The following GPC6 variants were observed in gnomAD, a reference collection of about 807,000 sequenced individuals.
GPC6 encodes glypican-6.
A neutral mutation model predicts 55.2 loss-of-function variants in GPC6; 14 were observed. That is an observed-to-expected ratio of 0.25 (90% CI 0.17 to 0.40). GPC6 has a LOEUF of 0.40. GPC6 is among the 10% of genes least tolerant of loss of function. The probability of loss-of-function intolerance (pLI) is 1.00; values close to 1 mark genes in which losing one functional copy is unlikely to be tolerated. For synonymous variants in GPC6, 278 were observed against 259.6 expected, an observed-to-expected ratio of 1.07 and a Z score of -0.68; for missense variants, 641 against 708.5, an observed-to-expected ratio of 0.90 and a Z score of 1.08.
chr13:93,436,235 T>A (rs567786904), intron 1 of GPC6, among the ~76,000 whole-genome samples: 1 of 152,218 alleles, frequency 6.6e-6, no homozygotes, highest in South Asian at 2.1e-4. Context: ...GGAAAAAATG[T>A]CATTGTAAAT....
intron 4 of GPC6, among the ~76,000 whole-genome samples, chr13:94,152,430 T>A (rs1887773772): frequency 6.6e-6 from 1 of 152,120 alleles, no homozygotes; most frequent in African/African-American, 2.4e-5. Context: ...AGTCACTCAT[T>A]TATTCATCAA....
intron 4 of GPC6, among the ~76,000 whole-genome samples, chr13:94,167,400 A>G (rs1027535941): frequency 1.3e-5 from 2 of 152,188 alleles, no homozygotes; most frequent in African/African-American, 4.8e-5. Context: ...ATGGACGAGA[A>G]GATTCTTCAA....
Position 94,374,686 on chromosome 13 carries a change from G to C in GPC6, c.1153-7728G>C, listed in dbSNP as rs1291675589. Among the ~76,000 whole-genome samples the C allele has an allele frequency of 4.4e-3, 673 of 151,254 alleles. 18 individuals carry two copies. The highest frequency in any genetic ancestry group is 0.033 in the Admixed American group (505 of 15,206). On this transcript the variant is annotated intron_variant, in intron 6 of 8. Coordinates refer to ENST00000377047, the MANE Select transcript of GPC6 (RefSeq NM_005708.5). ...AAGTCAACAAGGAAACCCAGGAATT[G>C]AACTCAGCTCTGCACCAAGCGGACC...
intron 4 of GPC6, among the ~76,000 whole-genome samples, chr13:94,217,518 C>A (rs1210925650): frequency 2.6e-5 from 4 of 152,090 alleles, no homozygotes; most frequent in Non-Finnish European, 5.9e-5. Flanking sequence ...TGACAGCATC[C>A]CATTCATCTA....
chr13:94,181,592 G>C (rs1017876783), intron 4 of GPC6, among the ~76,000 whole-genome samples: 1 of 152,108 alleles, frequency 6.6e-6, no homozygotes, highest in African/African-American at 2.4e-5. Context: ...ACTTTATTAA[G>C]GTCCTGTAGA....
chr13:93,523,253 A>T (rs1881504194), intron 1 of GPC6, among the ~76,000 whole-genome samples: 1 of 150,592 alleles, frequency 6.6e-6, no homozygotes, highest in Admixed American at 6.6e-5. Flanking sequence ...ATATACACAT[A>T]TATGGATAAT....
intron 3 of GPC6, among the ~76,000 whole-genome samples, chr13:93,903,951 T>C (rs925934259): frequency 2.0e-5 from 3 of 152,044 alleles, no homozygotes; most frequent in Admixed American, 1.3e-4. Flanking sequence ...AAGAAGAACA[T>C]GTCCTGTCCT....
At chr13:93,523,458 C>T (rs1321316939) in intron 1 of GPC6, among the ~76,000 whole-genome samples, 1 of 31,942 alleles carries the variant, frequency 3.1e-5, no homozygotes, top group Non-Finnish European at 8.2e-5. Context: ...CACACATACA[C>T]ACATATGACA....
chr13:94,357,341 A>G (rs1005946402), intron 6 of GPC6, among the ~76,000 whole-genome samples: 1 of 152,072 alleles, frequency 6.6e-6, no homozygotes, highest in African/African-American at 2.4e-5. Flanking sequence ...CTCACTCTTC[A>G]AGATCAGCTC....
intron 2 of GPC6, among the ~76,000 whole-genome samples, chr13:93,553,215 C>T (rs1368191079): frequency 1.3e-5 from 2 of 151,770 alleles, no homozygotes; most frequent in Non-Finnish European, 2.9e-5. Flanking sequence ...ATTATTCTTT[C>T]TTCTTCCACT....
chr13:93,395,186 T>C, intron 1 of GPC6: 1 of 292,400 alleles, frequency 3.4e-6, no homozygotes, highest in East Asian at 7.7e-5. Context: ...ACCATCAAAG[T>C]CACTGCAACT....
intron 2 of GPC6, among the ~76,000 whole-genome samples, chr13:93,726,115 C>CACACACAT (rs1309780872): frequency 3.7e-5 from 5 of 136,982 alleles, no homozygotes; most frequent in Non-Finnish European, 6.3e-5. Flanking sequence ...CACACACACA[C>CACACACAT]ACACACACAC....
chr13:93,416,539 A>G (rs1427016560), intron 1 of GPC6, among the ~76,000 whole-genome samples: 1 of 152,166 alleles, frequency 6.6e-6, no homozygotes, highest in Non-Finnish European at 1.5e-5. Flanking sequence ...CATTTGTGTT[A>G]GCAATAATCC....
chr13:94,404,707 A>G lies in GPC6; in HGVS notation c.*1490A>G, dbSNP rs1730603840. On this transcript the variant is annotated 3_prime_UTR_variant, in exon 9 of 9. Transcript: ENST00000377047. ...GGAAACTGTATGTGTAAAGAATGTTATTCATGAAAAACCATTGCTTTCATG... is the reference window on the plus strand; with the variant it reads ...GGAAACTGTATGTGTAAAGAATGTTGTTCATGAAAAACCATTGCTTTCATG... 1 of 152,216 alleles carries G rather than the reference A, an allele frequency of 6.6e-6. No homozygotes were observed. Among genetic ancestry groups the G allele is most frequent in the Non-Finnish European group, 1.5e-5 (1 of 68,036 alleles). The allele number at this position is 152,216 out of a possible 1,614,324, so 9.4% of individuals were successfully genotyped here.
At chr13:93,372,694 T>C (rs1228902899) in intron 1 of GPC6, among the ~76,000 whole-genome samples, 2 of 152,202 alleles carry the variant, frequency 1.3e-5, no homozygotes, top group Non-Finnish European at 2.9e-5. Flanking sequence ...TCAACCTTTA[T>C]CCTACAAGGC....
rs560965069 is a variant in GPC6 at position 93,628,442 on chromosome 13, T to G, written c.319+83021T>G. On this transcript the variant is annotated intron_variant, in intron 2 of 8. Transcript: ENST00000377047. Reference sequence around the variant, plus strand: ...GCAGGGAGACTGTAGTCTGCCAACATGCACCCTTTCGAAGGGGCTATCAGT... The same window carrying G: ...GCAGGGAGACTGTAGTCTGCCAACAGGCACCCTTTCGAAGGGGCTATCAGT... Among the ~76,000 whole-genome samples the G allele has an allele frequency of 2.0e-5, 3 of 152,330 alleles. No homozygotes were observed. In the East Asian group the frequency reaches 5.8e-4, roughly 29 times the overall value.
chr13:94,365,698 G>A (rs892829544), intron 6 of GPC6, among the ~76,000 whole-genome samples: 61 of 152,140 alleles, frequency 4.0e-4, no homozygotes, highest in African/African-American at 1.4e-3. Flanking sequence ...TCCAATGTGT[G>A]TACATCCTTG....
At chr13:94,109,332 C>T (rs971066905) in intron 4 of GPC6, among the ~76,000 whole-genome samples, 13 of 152,096 alleles carry the variant, frequency 8.5e-5, no homozygotes, top group Middle Eastern at 3.2e-3. Flanking sequence ...GGTAATCTAT[C>T]ACTTGTTATT....
intron 3 of GPC6, among the ~76,000 whole-genome samples, chr13:93,987,929 A>C (rs2140411875): frequency 6.6e-6 from 1 of 152,272 alleles, no homozygotes; most frequent in South Asian, 2.1e-4. Flanking sequence ...CAAAGGGTCA[A>C]CTGCCTCCTT....
Sources: gnomAD v4.1 joint callset for allele counts (sites outside exome capture counted in the v4.1 genomes callset) on GRCh38, gnomAD v4.1.1 for gene constraint, MANE v1.5 for transcripts, NCBI Gene and HGNC (gene_info 2026-07-23, HGNC 2026-07-21) for gene names.